NEDD4L: variants seen among roughly 807,000 people sequenced by gnomAD.
NEDD4L encodes E3 ubiquitin-protein ligase NEDD4-like.
Under a neutral mutation model 148.9 loss-of-function variants are expected in NEDD4L, and 54 were observed. The observed-to-expected ratio is 0.36, with a 90% CI of 0.29 to 0.45. NEDD4L has a LOEUF of 0.45. NEDD4L is among the 20% of genes least tolerant of loss of function. The pLI is 1.00. For missense variants in NEDD4L, 856 were observed against 1,233.8 expected, an observed-to-expected ratio of 0.69 and a Z score of 4.59; for synonymous variants, 433 against 440.7, an observed-to-expected ratio of 0.98 and a Z score of 0.22.
chr18:58,301,019 G>A (rs1037392189), intron 5 of NEDD4L, among the ~76,000 whole-genome samples: 5 of 152,146 alleles, frequency 3.3e-5, no homozygotes, highest in African/African-American at 1.2e-4. Context: ...CCGAGTCTTA[G>A]CCCCACGTTT....
At position 58,117,829 on chromosome 18, in the gene NEDD4L, A is replaced by G. The variant is rs187184091; in HGVS notation, c.49-47959A>G. Among the ~76,000 whole-genome samples, 5 of 152,232 alleles carry G rather than the reference A, an allele frequency of 3.3e-5. No individual in the cohort carries two copies. In the East Asian group the frequency reaches 5.8e-4, roughly 18 times the overall value. ...GTCTTTGTAGTCACACTACACACCT[A>G]TATACTCCATGACATGGAGTGTATA... On this transcript the variant is annotated intron_variant, in intron 1 of 30. Coordinates refer to ENST00000400345, the MANE Select transcript of NEDD4L (RefSeq NM_001144967.3).
At chr18:58,083,391 CAG>C (rs1241030884) in intron 1 of NEDD4L, among the ~76,000 whole-genome samples, 4 of 152,036 alleles carry the variant, frequency 2.6e-5, no homozygotes, top group African/African-American at 7.2e-5. Context: ...GCTCAAAAAA[CAG>C]AAACAAACCA....
chr18:58,315,804 C>A (rs974339545), intron 5 of NEDD4L, among the ~76,000 whole-genome samples, 178 bp from the exon 6 acceptor site: 9 of 152,210 alleles, frequency 5.9e-5, no homozygotes, highest in Non-Finnish European at 1.3e-4. Flanking sequence ...TCAGTCCAGG[C>A]GCACGGGCTC....
At chr18:58,082,239 C>G (rs2083495396) in intron 1 of NEDD4L, among the ~76,000 whole-genome samples, 1 of 147,888 alleles carries the variant, frequency 6.8e-6, no homozygotes, top group African/African-American at 2.5e-5. Context: ...TCCCAAGTAG[C>G]TGGGATTACA....
intron 1 of NEDD4L, among the ~76,000 whole-genome samples, chr18:58,154,002 C>T (rs1568295793): frequency 6.6e-6 from 1 of 152,132 alleles, no homozygotes; most frequent in East Asian, 1.9e-4. Context: ...AAACCAAGTA[C>T]CAAGTGTGTG....
At chr18:58,387,402 C>T (rs375101001) in intron 26 of NEDD4L, 37 bp from the exon 27 acceptor site, 14 of 1,490,910 alleles carry the variant, frequency 9.4e-6, no homozygotes, top group African/African-American at 1.4e-5. Context: ...TTTTTGAAGG[C>T]AATAGGTGTT....
intron 1 of NEDD4L, among the ~76,000 whole-genome samples, chr18:58,051,157 C>T (rs910317561): frequency 6.6e-6 from 1 of 152,054 alleles, no homozygotes; most frequent in African/African-American, 2.4e-5. Context: ...GCTGGGGAGG[C>T]TGAGGTGGGA....
At chr18:58,213,449 A>G (rs796504787) in intron 2 of NEDD4L, among the ~76,000 whole-genome samples, 2 of 152,370 alleles carry the variant, frequency 1.3e-5, no homozygotes, top group African/African-American at 4.8e-5. Flanking sequence ...ATGAATGAGA[A>G]GCAATGTGTA....
chr18:58,145,307 C>T (rs565942640), intron 1 of NEDD4L, among the ~76,000 whole-genome samples: 2 of 152,296 alleles, frequency 1.3e-5, no homozygotes, highest in Admixed American at 6.5e-5. Flanking sequence ...AACCAGACTA[C>T]GTGACAGTCT....
chr18:58,289,396 A>G lies in NEDD4L; in HGVS notation c.298-26586A>G, dbSNP rs529566112. Reference sequence around the variant, plus strand: ...CCTTGGAGTATATGGCCTATGAGACATGGCATGTCTGATTTGATGGAAAAA... The same window carrying G: ...CCTTGGAGTATATGGCCTATGAGACGTGGCATGTCTGATTTGATGGAAAAA... On this transcript the variant is annotated intron_variant, in intron 5 of 30. Coordinates refer to ENST00000400345, the MANE Select transcript of NEDD4L (RefSeq NM_001144967.3). Among the ~76,000 whole-genome samples, 16 of 152,366 alleles carry G rather than the reference A, an allele frequency of 1.1e-4. 1 individual carries two copies. In the South Asian group the frequency reaches 2.3e-3, roughly 22 times the overall value.
chr18:58,190,820 TAGA>T (rs2040023733), intron 2 of NEDD4L, among the ~76,000 whole-genome samples: 1 of 152,176 alleles, frequency 6.6e-6, no homozygotes, highest in Non-Finnish European at 1.5e-5. Flanking sequence ...TGCCATCAAA[TAGA>T]AGATGTAACA....
chr18:58,097,320 G>T (rs1456686864), intron 1 of NEDD4L, among the ~76,000 whole-genome samples: 1 of 152,180 alleles, frequency 6.6e-6, no homozygotes, highest in Non-Finnish European at 1.5e-5. Context: ...GCCATAGTTC[G>T]CAGTTGGCCG....
intron 1 of NEDD4L, among the ~76,000 whole-genome samples, chr18:58,099,073 G>A (rs954081993): frequency 6.6e-6 from 1 of 152,162 alleles, no homozygotes; most frequent in Admixed American, 6.5e-5. Context: ...TGAAATTATA[G>A]AGTTAAATGA....
At chr18:58,141,934 G>A (rs974816301) in intron 1 of NEDD4L, among the ~76,000 whole-genome samples, 1 of 151,620 alleles carries the variant, frequency 6.6e-6, no homozygotes, top group African/African-American at 2.4e-5. Context: ...TGAAAGCCAA[G>A]TAGGAGCTTA....
chr18:58,296,791 A>G (rs1169418999), intron 5 of NEDD4L, among the ~76,000 whole-genome samples: 3 of 152,180 alleles, frequency 2.0e-5, no homozygotes, highest in Admixed American at 6.5e-5. Flanking sequence ...GCGTGGTGGT[A>G]CGCACCTATA....
At chr18:58,238,518 C>T (rs1408169906) in intron 2 of NEDD4L, among the ~76,000 whole-genome samples, 1 of 152,090 alleles carries the variant, frequency 6.6e-6, no homozygotes, top group Non-Finnish European at 1.5e-5. Context: ...TGACTATTAA[C>T]ATTTTAGCCT....
intron 2 of NEDD4L, among the ~76,000 whole-genome samples, chr18:58,175,724 C>G (rs1047036248): frequency 3.3e-5 from 5 of 152,230 alleles, no homozygotes; most frequent in South Asian, 4.1e-4. Flanking sequence ...TTCCCACCCC[C>G]CAAACCGAAA....
At chr18:58,174,616 T>C (rs1469822423) in intron 2 of NEDD4L, among the ~76,000 whole-genome samples, 1 of 152,090 alleles carries the variant, frequency 6.6e-6, no homozygotes, top group Non-Finnish European at 1.5e-5. Flanking sequence ...TTGTACGTAC[T>C]GTGTATTAGA....
chr18:58,263,660 CTTTTTT>C (rs71173041), intron 5 of NEDD4L, among the ~76,000 whole-genome samples: 1 of 103,724 alleles, frequency 9.6e-6, no homozygotes, highest in African/African-American at 3.7e-5. Flanking sequence ...ACTTCTTAGG[CTTTTTT>C]TTTTTTTTTT....
Sources: allele counts gnomAD v4.1 joint callset (sites outside exome capture counted in the v4.1 genomes callset), GRCh38; gene constraint gnomAD v4.1.1; transcripts MANE v1.5; gene names NCBI Gene and HGNC (gene_info 2026-07-23, HGNC 2026-07-21).